The following ALDH3A2 variants were observed in gnomAD, a reference collection of about 807,000 sequenced individuals.
ALDH3A2 encodes aldehyde dehydrogenase 3 family member A2.
In ALDH3A2, 36 loss-of-function variants were observed where a neutral mutation model predicts 51.3. That is an observed-to-expected ratio of 0.70 (90% CI 0.54 to 0.93). ALDH3A2 has a LOEUF of 0.93. Ranked by LOEUF, ALDH3A2 falls within the 40% of genes least tolerant of loss-of-function variation. The probability of loss-of-function intolerance (pLI) is 0.00; values close to 1 mark genes in which losing one functional copy is unlikely to be tolerated. For synonymous variants in ALDH3A2, 199 were observed against 219.8 expected (o/e 0.91, Z 0.84); for missense variants, 552 against 603.1 (o/e 0.92, Z 0.89).
rs1244030486 is a variant in ALDH3A2, at chr17:19,656,347, G to A, written c.472-19G>A. 1 of 1,598,074 alleles carries A rather than the reference G, an allele frequency of 6.3e-7. No individual in the cohort carries two copies. Among genetic ancestry groups the A allele is most frequent in the South Asian group, 1.1e-5 (1 of 90,636 alleles). On this transcript the variant is annotated intron_variant, in intron 3 of 9. Transcript: ENST00000176643. ...GATTTATTTGGCAGTGCAAGAGTTTGTGTTTCTCTTTCTTTGAGGATCTCT... is the reference window on the plus strand; with the variant it reads ...GATTTATTTGGCAGTGCAAGAGTTTATGTTTCTCTTTCTTTGAGGATCTCT...
In ALDH3A2 at chr17:19,651,646, A is replaced by G. The variant is rs530294366; in HGVS notation, c.253A>G (p.Lys85Glu). 14 of 1,614,144 alleles carry G rather than the reference A, an allele frequency of 8.7e-6. No individual in the cohort carries two copies. Among genetic ancestry groups the G allele is most frequent in the South Asian group, 4.4e-5 (4 of 91,086 alleles). Residue 85 changes from lysine to glutamate, a missense_variant, in exon 2 of 10, where the codon AAG (lysine) becomes GAG (glutamate). Transcript: ENST00000176643. ...LPEWVTAKPV[K>E]KNVLTMLDEA... is the part of the protein sequence containing the mutation. The stretch of plus-strand genomic sequence containing the variant: ...TGAATGGGTTACTGCTAAACCAGTT[A>G]AGAAGAACGTGCTCACCATGCTGGA...
chr17:19,660,190 C>T (rs1463513047), intron 5 of ALDH3A2, among the ~76,000 whole-genome samples: 17 of 152,136 alleles, frequency 1.1e-4, no homozygotes, highest in Admixed American at 6.5e-4. Context: ...CAGTGGTTCT[C>T]AAGCTACATG....
intron 5 of ALDH3A2, among the ~76,000 whole-genome samples, chr17:19,660,091 T>C (rs1402026999): frequency 6.6e-6 from 1 of 151,978 alleles, no homozygotes; most frequent in Non-Finnish European, 1.5e-5. Context: ...ATTTGGGAAT[T>C]GGAGAATGCT....
chr17:19,673,348 T>G, intron 9 of ALDH3A2: 1 of 1,361,210 alleles, frequency 7.3e-7, no homozygotes, highest in Non-Finnish European at 9.7e-7. Flanking sequence ...GTTTTTTGGT[T>G]TGTTTTTGTT....
chr17:19,663,851 G>C (rs147741897), intron 7 of ALDH3A2, among the ~76,000 whole-genome samples: 1 of 152,332 alleles, frequency 6.6e-6, no homozygotes, highest in Non-Finnish European at 1.5e-5. Flanking sequence ...CTGAATAACA[G>C]CCTGCACAAA....
intron 4 of ALDH3A2, 89 bp downstream of exon 4, chr17:19,656,663 C>A: frequency 8.1e-7 from 1 of 1,236,940 alleles, no homozygotes; most frequent in Non-Finnish European, 1.2e-6. Flanking sequence ...GAACCCCATA[C>A]CTTATGGCTC....
chr17:19,649,239 G>GA (rs2084781252), intron 1 of ALDH3A2, 115 bp downstream of exon 1: 2 of 1,377,220 alleles, frequency 1.5e-6, no homozygotes, highest in South Asian at 2.8e-5. Flanking sequence ...CCAGCACTGG[G>GA]AGTATGATCT....
chr17:19,656,284 A>ATG (rs2084894870), intron 3 of ALDH3A2, 82 bp from the exon 4 acceptor site: 3 of 1,230,540 alleles, frequency 2.4e-6, no homozygotes, highest in Admixed American at 3.8e-5. Context: ...TGAATGTTAC[A>ATG]TGTTTATGTT....
rs544113706 is a variant in ALDH3A2 at position 19,673,724 on chromosome 17, AAAAG to A, written c.1443+1776_1443+1779del. Reference sequence around the variant, plus strand: ...CAGAGCAAGACTCCGTCTCCAAAAAAAAAGAAAGAAAAAAGAATGTTTAACTTAC... The same window carrying A: ...CAGAGCAAGACTCCGTCTCCAAAAAAAAAGAAAAAAGAATGTTTAACTTAC... On this transcript the variant is annotated intron_variant, in intron 9 of 9. Transcript: ENST00000176643. Among the ~76,000 whole-genome samples, 335 of 152,342 alleles carry A rather than the reference AAAAG, an allele frequency of 2.2e-3. 3 individuals are homozygous for A. The highest frequency in any genetic ancestry group is 1.6e-3 in the Non-Finnish European group (108 of 68,038).
rs1463532041 is a variant in ALDH3A2 at position 19,671,819 on chromosome 17, A to G, written c.1306A>G (p.Asn436Asp). The G allele has an allele frequency of 1.2e-6, 2 of 1,614,214 alleles. No homozygotes were observed. Among genetic ancestry groups the G allele is most frequent in the Non-Finnish European group, 1.7e-6 (2 of 1,180,024 alleles). The change falls in exon 9 of 10, where the codon AAC becomes GAC. Residue 436 changes from asparagine (N) to aspartate (D), a missense_variant. Physicochemically the swap from Asn to Asp is conservative, Grantham distance 23. Coordinates refer to ENST00000176643, the MANE Select transcript of ALDH3A2 (RefSeq NM_000382.3). ...AAAAAGTTTAAAGAGAGAAGGTGCT[A>G]ACAAACTCAGATATCCTCCCAACAG... ...LLKSLKREGA[N>D]KLRYPPNSQS...
intron 9 of ALDH3A2, chr17:19,674,472 A>C (rs542953143): frequency 2.6e-5 from 4 of 152,178 alleles, no homozygotes; most frequent in Admixed American, 6.5e-5. Flanking sequence ...TATATAAAAG[A>C]AGCAGCAATA....
chr17:19,653,047 C>CTT (rs541991059), intron 3 of ALDH3A2, among the ~76,000 whole-genome samples: 3 of 141,436 alleles, frequency 2.1e-5, no homozygotes, highest in Non-Finnish European at 4.7e-5. Context: ...TATAAGAGTA[C>CTT]TTTTTTTTTT....
At position 19,661,149 on chromosome 17, in the gene ALDH3A2, AAG is replaced by A. The variant is rs1057516788; in HGVS notation, c.824_825del (p.Glu275ValfsTer3). On this transcript the variant is annotated frameshift_variant, in exon 6 of 10. Coordinates refer to ENST00000176643, the MANE Select transcript of ALDH3A2 (RefSeq NM_000382.3). LOFTEE classifies it high-confidence loss of function. Reference sequence around the variant, plus strand: ...TAGGAATTTTATGGAGAAAATATAAAAGAGTCTCCTGATTATGAAAGGATCAT... The same window carrying A: ...TAGGAATTTTATGGAGAAAATATAAAAGTCTCCTGATTATGAAAGGATCAT... 6.2e-7 allele frequency: 1 copy of A among 1,611,792 alleles called. No individual in the cohort carries two copies. Among genetic ancestry groups the A allele is most frequent in the Non-Finnish European group, 8.5e-7 (1 of 1,177,858 alleles).
At chr17:19,663,565 G>A (rs2084997230) in intron 7 of ALDH3A2, 66 bp downstream of exon 7, 5 of 1,546,104 alleles carry the variant, frequency 3.2e-6, no homozygotes, top group Non-Finnish European at 4.4e-6. Context: ...CTTCTTTGCT[G>A]TAAAACAATG....
chr17:19,669,430 A>T (rs2085082775), intron 8 of ALDH3A2, among the ~76,000 whole-genome samples: 1 of 151,996 alleles, frequency 6.6e-6, no homozygotes, highest in African/African-American at 2.4e-5. Flanking sequence ...TGAAATAATC[A>T]TCCTTATACC....
At chr17:19,670,725 A>C (rs1170056115) in intron 8 of ALDH3A2, among the ~76,000 whole-genome samples, 1 of 152,124 alleles carries the variant, frequency 6.6e-6, no homozygotes, top group African/African-American at 2.4e-5. Flanking sequence ...ACCACGTCCA[A>C]CTAATTTTTG....
At chr17:19,656,646 T>C (rs2084902247) in intron 4 of ALDH3A2, 72 bp downstream of exon 4, 1 of 1,418,674 alleles carries the variant, frequency 7.0e-7, no homozygotes. Context: ...TGTTACTCTT[T>C]GTACTTGAAC....
In ALDH3A2 at chr17:19,648,759, C is replaced by T. The variant is rs749347368; in HGVS notation, c.-213C>T. The T allele has an allele frequency of 3.1e-6, 2 of 649,830 alleles. No homozygotes were observed. Among genetic ancestry groups the T allele is most frequent in the Admixed American group, 2.8e-5 (1 of 36,254 alleles). 40.3% of individuals were successfully genotyped at this position (649,830 alleles called of 1,614,324 possible). A position where few individuals can be genotyped will look rare whatever the true frequency, so the allele number is the denominator to read the frequency against. On this transcript the variant is annotated 5_prime_UTR_variant, in exon 1 of 10. Coordinates refer to ENST00000176643, the MANE Select transcript of ALDH3A2 (RefSeq NM_000382.3). ...GGCTTTGGGTCGAGCTCAGTCCTCC[C>T]CCGGCGCCTCCGACTGGCAGTGGGA...
intron 7 of ALDH3A2, among the ~76,000 whole-genome samples, chr17:19,663,924 A>G (rs1428386824): frequency 6.6e-6 from 1 of 152,228 alleles, no homozygotes; most frequent in Non-Finnish European, 1.5e-5. Context: ...TGGTTGTGAT[A>G]TGATGGATTT....
Sources: gnomAD v4.1 joint callset for allele counts (sites outside exome capture counted in the v4.1 genomes callset) on GRCh38, gnomAD v4.1.1 for gene constraint, MANE v1.5 for transcripts, NCBI Gene and HGNC (gene_info 2026-07-23, HGNC 2026-07-21) for gene names.